The following RBFOX3 variants were observed in gnomAD, a reference collection of about 807,000 sequenced individuals.
RBFOX3 encodes RNA binding protein fox-1 homolog 3.
RBFOX3 carries 17 observed loss-of-function variants against 48.7 expected under a neutral mutation model. The observed-to-expected ratio is 0.35, with a 90% CI of 0.24 to 0.52. The LOEUF (loss-of-function observed/expected upper bound fraction) is 0.52. RBFOX3 is among the 20% of genes least tolerant of loss of function. RBFOX3 has a pLI of 0.94. For synonymous variants in RBFOX3, 212 were observed against 209.5 expected, an observed-to-expected ratio of 1.01 and a Z score of -0.10; for missense variants, 382 against 497.5, an observed-to-expected ratio of 0.77 and a Z score of 2.21.
the RBFOX3 span, among the ~76,000 whole-genome samples, chr17:79,636,984 A>G: frequency 2.0e-5 from 3 of 152,238 alleles, no homozygotes; most frequent in Admixed American, 6.5e-5. Flanking sequence ...GATATTCCAT[A>G]CAAATGATAA....
rs1021682260 is a variant in RBFOX3 at position 79,516,331 on chromosome 17, C to T, written c.-319-33733G>A. On this transcript the variant is annotated intron_variant, in intron 1 of 14. Transcript: ENST00000693108. ...TATGAAATGCCCACGTGTGGCCACA[C>T]TCCCCTCCCTGGGCACCCCTGCCTT... 2.6e-5 allele frequency among the ~76,000 whole-genome samples: 4 copies of T among 152,252 alleles called. No individual in the cohort carries two copies. In the East Asian group the frequency reaches 7.7e-4, roughly 29 times the overall value.
intron 3 of RBFOX3, among the ~76,000 whole-genome samples, chr17:79,305,902 G>A (rs1344705546): frequency 6.6e-6 from 1 of 152,220 alleles, no homozygotes; most frequent in East Asian, 1.9e-4. Flanking sequence ...GGGCTGACCT[G>A]CCGTAGCCTC....
Position 79,115,527 on chromosome 17 carries a change from G to A in RBFOX3, c.189C>T (p.Ser63=), listed in dbSNP as rs2033669073. Residue 63 remains serine, a synonymous_variant, in exon 5 of 15, where the codon AGC becomes AGT. Coordinates refer to ENST00000693108, the MANE Select transcript of RBFOX3 (RefSeq NM_001350451.2). The part of the protein sequence containing the change: ...THPEQPGSEA[S]TQPIAGTQTV... ...TCTGGGTCCCGGCGATGGGCTGTGT[G>A]CTGGCCTCGGAGCCTGGCTGCTCGG... The A allele has an allele frequency of 1.1e-5, 15 of 1,346,506 alleles. No homozygotes were observed. In the South Asian group the frequency reaches 2.7e-4, roughly 24 times the overall value. 83.4% of individuals were successfully genotyped at this position (1,346,506 alleles called of 1,614,324 possible).
At chr17:79,447,499 G>A (rs531991624) in intron 2 of RBFOX3, among the ~76,000 whole-genome samples, 7 of 152,298 alleles carry the variant, frequency 4.6e-5, no homozygotes, top group Middle Eastern at 3.4e-3. Context: ...TATTGTGTAC[G>A]GTGATACGGT....
intron 2 of RBFOX3, among the ~76,000 whole-genome samples, chr17:79,434,205 T>A (rs1568242672): frequency 6.6e-6 from 1 of 152,224 alleles, no homozygotes; most frequent in Non-Finnish European, 1.5e-5. Context: ...TGGGACCACA[T>A]GCATCTGGCT....
chr17:79,283,115 G>T (rs1190528263), intron 3 of RBFOX3, among the ~76,000 whole-genome samples: 1 of 152,162 alleles, frequency 6.6e-6, no homozygotes. Context: ...GAAAACGCTT[G>T]CTAAAGCCAT....
At chr17:79,533,448 G>T (rs1412281227) in intron 1 of RBFOX3, among the ~76,000 whole-genome samples, 1 of 152,248 alleles carries the variant, frequency 6.6e-6, no homozygotes, top group African/African-American at 2.4e-5. Context: ...GCTCAACATG[G>T]TCTGCACCTG....
intron 4 of RBFOX3, among the ~76,000 whole-genome samples, chr17:79,145,778 C>T (rs2042914405): frequency 1.1e-5 from 1 of 87,764 alleles, no homozygotes; most frequent in African/African-American, 4.3e-5. Flanking sequence ...ATGCGGCCCA[C>T]ACGGGGGCTC....
intron 14 of RBFOX3, chr17:79,091,931 C>G (rs2030957911): frequency 1.0e-6 from 1 of 982,590 alleles, no homozygotes. Context: ...ACGCTTGTGA[C>G]TACGTCGGCA....
chr17:79,441,300 T>C lies in RBFOX3; in HGVS notation c.-175+41154A>G, dbSNP rs1357815921. Among the ~76,000 whole-genome samples the C allele has an allele frequency of 2.6e-5, 4 of 152,110 alleles. No individual in the cohort carries two copies. In the East Asian group the frequency reaches 7.7e-4, roughly 29 times the overall value. Reference sequence around the variant, plus strand: ...GCCTCGGCCTGCAGGGGCTCAATAGTGGCCCCTAAGATTCATGTCCTCCTG... The same window carrying C: ...GCCTCGGCCTGCAGGGGCTCAATAGCGGCCCCTAAGATTCATGTCCTCCTG... On this transcript the variant is annotated intron_variant, in intron 2 of 14. Coordinates refer to ENST00000693108, the MANE Select transcript of RBFOX3 (RefSeq NM_001350451.2).
At chr17:79,279,986 A>G (rs767189619) in intron 3 of RBFOX3, among the ~76,000 whole-genome samples, 6 of 152,134 alleles carry the variant, frequency 3.9e-5, no homozygotes, top group Admixed American at 6.5e-5. Context: ...GAACAATTCT[A>G]AAATAGTAAT....
chr17:79,616,828 T>A, the RBFOX3 span, among the ~76,000 whole-genome samples: 1 of 152,192 alleles, frequency 6.6e-6, no homozygotes, highest in South Asian at 2.1e-4. Flanking sequence ...ACATTTATAC[T>A]GTGTGGGCTC....
chr17:79,236,172 C>A (rs947252655), intron 3 of RBFOX3, among the ~76,000 whole-genome samples: 4 of 152,204 alleles, frequency 2.6e-5, no homozygotes, highest in African/African-American at 9.7e-5. Flanking sequence ...GGCCTTGTGG[C>A]TTGTTGATGG....
chr17:79,418,470 C>T lies in RBFOX3; in HGVS notation c.-175+63984G>A, dbSNP rs181419619. 2.7e-3 allele frequency among the ~76,000 whole-genome samples: 404 copies of T among 152,282 alleles called. 2 individuals carry two copies. The highest frequency in any genetic ancestry group is 9.5e-3 in the African/African-American group (394 of 41,552). On this transcript the variant is annotated intron_variant, in intron 2 of 14. Coordinates refer to ENST00000693108, the MANE Select transcript of RBFOX3 (RefSeq NM_001350451.2). The surrounding 1 kb of genome is among the most constrained non-coding windows in gnomAD (Gnocchi z 5.0). ...TTCACACCGTGCCACGCGAGAAAGC[C>T]GTGTGTGTCAGCCAAGAGCCTGCGG...
At chr17:79,336,930 G>A (rs1157025782) in intron 2 of RBFOX3, among the ~76,000 whole-genome samples, 1 of 152,072 alleles carries the variant, frequency 6.6e-6, no homozygotes, top group Non-Finnish European at 1.5e-5. Context: ...GACAACCCTG[G>A]CGAACATGGT....
chr17:79,399,595 C>A (rs4555182), intron 2 of RBFOX3, among the ~76,000 whole-genome samples: 1 of 151,988 alleles, frequency 6.6e-6, no homozygotes, highest in Non-Finnish European at 1.5e-5. Flanking sequence ...GCAGGCCACG[C>A]TCTCCCAGCA....
Position 79,311,574 on chromosome 17 carries a change from GTCAA to G in RBFOX3, c.-174-3754_-174-3751del, listed in dbSNP as rs923492853. Among the ~76,000 whole-genome samples the G allele has an allele frequency of 3.3e-5, 5 of 152,024 alleles. No homozygotes were observed. The highest frequency in any genetic ancestry group is 5.9e-5 in the Non-Finnish European group (4 of 68,018). ...TCCTTAAAATCTGTCTGTCCTATCT[GTCAA>G]TCAATCAATAATCAATCAATCAATC... is the stretch of plus-strand genomic sequence containing the variant. On this transcript the variant is annotated intron_variant, in intron 2 of 14. Transcript: ENST00000693108. The surrounding 1 kb of genome is among the most constrained non-coding windows in gnomAD (Gnocchi z 4.2).
chr17:79,274,674 G>A (rs1238914953), intron 3 of RBFOX3, among the ~76,000 whole-genome samples: 2 of 152,050 alleles, frequency 1.3e-5, no homozygotes, highest in Non-Finnish European at 2.9e-5. Context: ...CATCCCCCAA[G>A]AGGCTGGGGG....
At chr17:79,097,667 A>AACCCCCCCCC in intron 10 of RBFOX3, 25 bp downstream of exon 10, 12 of 1,031,726 alleles carry the variant, frequency 1.2e-5, no homozygotes, top group Non-Finnish European at 1.2e-5. Flanking sequence ...GTCTCATCCC[A>AACCCCCCCCC]TCCCCGCCCC....
Sources: gnomAD v4.1 joint callset for allele counts (sites outside exome capture counted in the v4.1 genomes callset) on GRCh38, gnomAD v4.1.1 for gene constraint, Gnocchi (gnomAD v3.1) non-coding constraint, MANE v1.5 for transcripts, NCBI Gene and HGNC (gene_info 2026-07-23, HGNC 2026-07-21) for gene names.